EIF4G3: variants seen among roughly 807,000 people sequenced by gnomAD.
EIF4G3 encodes the protein eukaryotic translation initiation factor 4 gamma 3.
Under a neutral mutation model 186.4 loss-of-function variants are expected in EIF4G3, and 34 were observed. The observed-to-expected ratio is 0.18, with a 90% confidence interval of 0.14 to 0.24. EIF4G3 has a LOEUF of 0.24. EIF4G3 is among the 10% of genes least tolerant of loss of function. The pLI is 1.00. For missense variants in EIF4G3, 1,536 were observed against 1,948.5 expected, an observed-to-expected ratio of 0.79 and a Z score of 3.99; for synonymous variants, 673 against 679.5, an observed-to-expected ratio of 0.99 and a Z score of 0.15.
At chr1:21,149,126 AT>A (rs1290952311) in intron 2 of EIF4G3, among the ~76,000 whole-genome samples, 4 of 152,132 alleles carry the variant, frequency 2.6e-5, no homozygotes, top group Admixed American at 6.6e-5. Flanking sequence ...ATGTTAATAT[AT>A]CAATATGTTA....
At chr1:20,854,887 C>T (rs111479796) in intron 26 of EIF4G3, 91 bp downstream of exon 26, 37 of 1,115,006 alleles carry the variant, frequency 3.3e-5, no homozygotes, top group African/African-American at 3.1e-4. Flanking sequence ...ACATCTTTCC[C>T]AAAAACCATC....
At chr1:21,092,895 A>AT (rs1465067560) in intron 2 of EIF4G3, among the ~76,000 whole-genome samples, 2 of 152,226 alleles carry the variant, frequency 1.3e-5, no homozygotes, top group African/African-American at 4.8e-5. Context: ...CTGGCTAGCC[A>AT]TATGTAGAAA....
At chr1:20,981,752 A>G (rs180959816) in intron 8 of EIF4G3, among the ~76,000 whole-genome samples, 8 of 147,470 alleles carry the variant, frequency 5.4e-5, no homozygotes, top group Non-Finnish European at 7.6e-5. Context: ...ACACATACAT[A>G]TATGTATACA....
At chr1:21,122,876 T>G (rs562720553) in intron 2 of EIF4G3, among the ~76,000 whole-genome samples, 13 of 152,276 alleles carry the variant, frequency 8.5e-5, no homozygotes, top group Admixed American at 5.9e-4. Context: ...CAGATTCGGA[T>G]TCAAGCAAGA....
chr1:21,144,724 C>G (rs1312939392), intron 2 of EIF4G3, among the ~76,000 whole-genome samples: 1 of 151,044 alleles, frequency 6.6e-6, no homozygotes, highest in Non-Finnish European at 1.5e-5. Context: ...TATAATAAAC[C>G]ACTGAAAGAC....
chr1:20,939,116 T>TAAG (rs1553318781), intron 14 of EIF4G3, among the ~76,000 whole-genome samples: 1 of 129,720 alleles, frequency 7.7e-6, no homozygotes, highest in East Asian at 2.3e-4. Flanking sequence ...TAAAAAAAAT[T>TAAG]AAAAAAAAAA....
At position 21,098,007 on chromosome 1, in the gene EIF4G3, G is replaced by T. The variant is rs539488212; in HGVS notation, c.-271-8794C>A. Among the ~76,000 whole-genome samples, 17 of 152,244 alleles carry T rather than the reference G, an allele frequency of 1.1e-4. No individual in the cohort carries two copies. In the South Asian group the frequency reaches 2.7e-3, roughly 24 times the overall value. On this transcript the variant is annotated intron_variant, in intron 2 of 36. Coordinates refer to ENST00000602326, the MANE Select transcript of EIF4G3 (RefSeq NM_001391906.1). ...TGTAATCAAAGCACTTTGGGAGGAC[G>T]AGGTGGGAGGATCACTTGAGTCCAG...
intron 33 of EIF4G3, among the ~76,000 whole-genome samples, chr1:20,819,679 T>C (rs904116522): frequency 1.3e-5 from 2 of 151,992 alleles, no homozygotes; most frequent in Non-Finnish European, 2.9e-5. Flanking sequence ...CACGAACCTA[T>C]CAGAGGGCAG....
At chr1:20,819,215 C>T (rs1477898613) in intron 33 of EIF4G3, among the ~76,000 whole-genome samples, 1 of 152,054 alleles carries the variant, frequency 6.6e-6, no homozygotes, top group Non-Finnish European at 1.5e-5. Context: ...AGTCAAGATA[C>T]AGGCCAAGTA....
intron 6 of EIF4G3, among the ~76,000 whole-genome samples, chr1:20,997,941 T>C (rs1570650701): frequency 6.8e-6 from 1 of 147,004 alleles, no homozygotes; most frequent in African/African-American, 2.5e-5. Context: ...AACCCTAAAA[T>C]AAGGCAAAAG....
At chr1:20,883,045 G>A (rs1375671608) in intron 19 of EIF4G3, among the ~76,000 whole-genome samples, 1 of 149,710 alleles carries the variant, frequency 6.7e-6, no homozygotes, top group Admixed American at 6.7e-5. Context: ...CAGAGCCACT[G>A]AACTTTAACC....
intron 36 of EIF4G3, 103 bp from the exon 37 acceptor site, chr1:20,807,603 C>A (rs1557702248): frequency 3.8e-6 from 4 of 1,053,736 alleles, no homozygotes; most frequent in African/African-American, 1.6e-5. Context: ...TGCATTAATT[C>A]CCCCAGAAAA....
chr1:21,004,117 A>G (rs1418883951), intron 4 of EIF4G3, among the ~76,000 whole-genome samples: 2 of 152,228 alleles, frequency 1.3e-5, no homozygotes, highest in Non-Finnish European at 2.9e-5. Context: ...AAGACATCTC[A>G]GAGCCACAAT....
At chr1:20,982,464 C>A in intron 7 of EIF4G3, 56 bp from the exon 8 acceptor site, 1 of 1,435,758 alleles carries the variant, frequency 7.0e-7, no homozygotes, top group Non-Finnish European at 9.4e-7. Context: ...AATGGAAAAG[C>A]TTACAGATCA....
intron 4 of EIF4G3, among the ~76,000 whole-genome samples, chr1:21,023,853 G>A (rs2091449476): frequency 7.1e-6 from 1 of 140,988 alleles, no homozygotes; most frequent in African/African-American, 2.6e-5. Flanking sequence ...ACGAAGTGAG[G>A]AGCGTCTCTG....
chr1:20,862,518 C>T (rs958711861), intron 22 of EIF4G3, among the ~76,000 whole-genome samples, 186 bp from the exon 23 acceptor site: 4 of 152,118 alleles, frequency 2.6e-5, no homozygotes, highest in African/African-American at 7.2e-5. Flanking sequence ...CAGGCTCAAC[C>T]GATCCCACCT....
chr1:20,950,457 G>A (rs2096160094), intron 12 of EIF4G3, among the ~76,000 whole-genome samples: 1 of 152,054 alleles, frequency 6.6e-6, no homozygotes, highest in African/African-American at 2.4e-5. Context: ...CATCTGAGAA[G>A]GAATTTAACA....
chr1:20,834,899 T>C (rs1217401985), intron 30 of EIF4G3, among the ~76,000 whole-genome samples: 2 of 152,040 alleles, frequency 1.3e-5, no homozygotes, highest in African/African-American at 4.8e-5. Context: ...TACAGAACAT[T>C]CCATTAAACA....
chr1:21,152,799 C>T (rs2097573903), intron 2 of EIF4G3, among the ~76,000 whole-genome samples: 1 of 152,146 alleles, frequency 6.6e-6, no homozygotes, highest in Non-Finnish European at 1.5e-5. Flanking sequence ...ATAACCAATG[C>T]ATGATATTAC....
Sources: gnomAD v4.1 joint callset for allele counts (sites outside exome capture counted in the v4.1 genomes callset) on GRCh38, gnomAD v4.1.1 for gene constraint, MANE v1.5 for transcripts, NCBI Gene and HGNC (gene_info 2026-07-23, HGNC 2026-07-21) for gene names.